AGBL4: variants seen among roughly 807,000 people sequenced by gnomAD.
The protein encoded by AGBL4 is AGBL carboxypeptidase 4, also known as cytosolic carboxypeptidase 6.
Under a neutral mutation model 66.4 loss-of-function variants are expected in AGBL4, and 58 were observed. The ratio of observed to expected loss-of-function variants is 0.87; its 90% confidence interval spans 0.71 to 1.09. The LOEUF is 1.09. Ranked by LOEUF, AGBL4 falls within the 50% of genes least tolerant of loss-of-function variation. The pLI is 0.00. For synonymous variants in AGBL4, 234 were observed against 222.9 expected (o/e 1.05, Z -0.44); for missense variants, 579 against 631.0 (o/e 0.92, Z 0.88).
chr1:49,591,715 G>T (rs1644754974), intron 3 of AGBL4, among the ~76,000 whole-genome samples: 1 of 152,058 alleles, frequency 6.6e-6, no homozygotes, highest in Admixed American at 6.6e-5. Context: ...AACCAAAACA[G>T]CATAATACTC....
chr1:49,714,170 C>G (rs1217777894), intron 2 of AGBL4, among the ~76,000 whole-genome samples: 1 of 151,916 alleles, frequency 6.6e-6, no homozygotes, highest in Non-Finnish European at 1.5e-5. Flanking sequence ...TTCACAGAAA[C>G]TGAATACGAA....
chr1:49,385,930 CA>C (rs926744949), intron 3 of AGBL4, among the ~76,000 whole-genome samples: 7 of 151,988 alleles, frequency 4.6e-5, no homozygotes, highest in African/African-American at 7.2e-5. Context: ...ATGTATATAT[CA>C]AGTATCTAAA....
At chr1:49,076,349 T>G (rs1644709622) in intron 4 of AGBL4, among the ~76,000 whole-genome samples, 1 of 152,220 alleles carries the variant, frequency 6.6e-6, no homozygotes, top group African/African-American at 2.4e-5. Flanking sequence ...ACCTAAATGC[T>G]ATGTAAATAG....
chr1:49,840,350 TA>T (rs1398468600), intron 2 of AGBL4, among the ~76,000 whole-genome samples: 2 of 152,190 alleles, frequency 1.3e-5, no homozygotes, highest in Admixed American at 6.5e-5. Context: ...CTTAAGTGGA[TA>T]TTTTTTTCTT....
intron 3 of AGBL4, among the ~76,000 whole-genome samples, chr1:49,514,573 C>T (rs1172096752): frequency 1.3e-5 from 2 of 151,526 alleles, no homozygotes; most frequent in East Asian, 2.0e-4. Flanking sequence ...GAGCCTGCAT[C>T]ACCAAGTCAA....
chr1:49,474,539 T>A (rs1646810003), intron 3 of AGBL4, among the ~76,000 whole-genome samples: 1 of 151,978 alleles, frequency 6.6e-6, no homozygotes, highest in African/African-American at 2.4e-5. Flanking sequence ...CAGCCACATG[T>A]TTCCATTCTT....
chr1:50,019,784 G>A (rs1662304828), intron 1 of AGBL4, among the ~76,000 whole-genome samples: 1 of 152,028 alleles, frequency 6.6e-6, no homozygotes, highest in African/African-American at 2.4e-5. Context: ...AAGAGAGGGA[G>A]AAGAAGCTAA....
At chr1:49,198,854 A>G (rs1647452089) in intron 4 of AGBL4, among the ~76,000 whole-genome samples, 1 of 151,502 alleles carries the variant, frequency 6.6e-6, no homozygotes, top group Non-Finnish European at 1.5e-5. Flanking sequence ...TTCTCCTATT[A>G]TATTTGGCCC....
chr1:48,686,127 G>A (rs1206125908), intron 6 of AGBL4, among the ~76,000 whole-genome samples: 1 of 152,168 alleles, frequency 6.6e-6, no homozygotes, highest in Non-Finnish European at 1.5e-5. Flanking sequence ...GAAAGGGGAA[G>A]TCACTCAGCT....
intron 3 of AGBL4, among the ~76,000 whole-genome samples, chr1:49,421,834 A>G (rs1308056639): frequency 6.6e-6 from 1 of 152,048 alleles, no homozygotes; most frequent in Non-Finnish European, 1.5e-5. Context: ...GATAAACACT[A>G]TTGGTCCTAT....
At chr1:48,553,343 C>T (rs1406336384) in intron 11 of AGBL4, among the ~76,000 whole-genome samples, 1 of 152,146 alleles carries the variant, frequency 6.6e-6, no homozygotes, top group African/African-American at 2.4e-5. Context: ...GAAGCTTCAA[C>T]TGGATGCACA....
At chr1:48,897,401 C>T (rs1651622659) in intron 5 of AGBL4, among the ~76,000 whole-genome samples, 1 of 152,162 alleles carries the variant, frequency 6.6e-6, no homozygotes, top group Non-Finnish European at 1.5e-5. Flanking sequence ...TAGGTTGATT[C>T]CGTATCTTGG....
intron 6 of AGBL4, among the ~76,000 whole-genome samples, chr1:48,845,841 A>G (rs1393377634): frequency 6.6e-6 from 1 of 152,210 alleles, no homozygotes; most frequent in Non-Finnish European, 1.5e-5. Context: ...CTGTTAAATG[A>G]TAACAATTAT....
intron 2 of AGBL4, among the ~76,000 whole-genome samples, chr1:49,800,634 C>T (rs530468260): frequency 1.1e-3 from 121 of 108,170 alleles, no homozygotes; most frequent in African/African-American, 3.8e-3. Flanking sequence ...TTTGTTCTTG[C>T]GATAGTTTAC....
Position 49,260,184 on chromosome 1 carries a change from G to A in AGBL4, c.283-14320C>T, listed in dbSNP as rs1322454914. ...TGTGTAGAGGGAAATTTATAGCACT[G>A]AATGCCCACAAGAGAAAGCAGGAAA... On this transcript the variant is annotated intron_variant, in intron 3 of 13. Transcript: ENST00000371839. Among the ~76,000 whole-genome samples the A allele has an allele frequency of 2.2e-3, 329 of 151,610 alleles. 3 individuals carry two copies. The highest frequency in any genetic ancestry group is 7.3e-3 in the African/African-American group (301 of 41,214).
chr1:49,090,655 T>C (rs930288175), intron 4 of AGBL4, among the ~76,000 whole-genome samples: 1 of 152,192 alleles, frequency 6.6e-6, no homozygotes, highest in African/African-American at 2.4e-5. Context: ...AAAGTGACCA[T>C]ACTGCCCAAA....
chr1:48,875,440 A>C (rs1649127640), intron 5 of AGBL4, among the ~76,000 whole-genome samples: 1 of 152,202 alleles, frequency 6.6e-6, no homozygotes, highest in Non-Finnish European at 1.5e-5. Context: ...CATCACTCAA[A>C]GCTGAAATAA....
intron 2 of AGBL4, among the ~76,000 whole-genome samples, chr1:49,702,190 A>T (rs1571359273): frequency 6.6e-6 from 1 of 152,276 alleles, no homozygotes; most frequent in East Asian, 1.9e-4. Context: ...AAAACTTGTT[A>T]AAAAATTAAC....
intron 3 of AGBL4, among the ~76,000 whole-genome samples, chr1:49,636,968 G>A (rs1184514242): frequency 1.3e-5 from 2 of 152,158 alleles, no homozygotes; most frequent in Admixed American, 1.3e-4. Context: ...ATCTGGGTGG[G>A]CACCATTTAA....
Sources: gnomAD v4.1 joint callset for allele counts (sites outside exome capture counted in the v4.1 genomes callset) on GRCh38, gnomAD v4.1.1 for gene constraint, MANE v1.5 for transcripts, NCBI Gene and HGNC (gene_info 2026-07-23, HGNC 2026-07-21) for gene names.